FGF5: variants seen among roughly 807,000 people sequenced by gnomAD.
The protein encoded by FGF5 is fibroblast growth factor 5, also known as heparin-binding growth factor 5.
Under a neutral mutation model 21.8 loss-of-function variants are expected in FGF5, and 23 were observed. That is an observed-to-expected ratio of 1.05 (90% CI 0.76 to 1.49). FGF5 has a LOEUF of 1.49. Among genes scored for constraint, FGF5 ranks in the 40% most tolerant of loss-of-function variants. FGF5 has a pLI of 0.00. For missense variants in FGF5, 352 were observed against 332.9 expected (o/e 1.06, Z -0.45); for synonymous variants, 158 against 124.0 (o/e 1.27, Z -1.82).
chr4:80,289,199 G>A lies in FGF5; in HGVS notation c.*2527G>A, dbSNP rs193012243. Reference sequence around the variant, plus strand: ...GTAGAGACGGGGTTTCACCATGTTGGTCAGGATGGTCTCAATCCTGGCCTC... The same window carrying A: ...GTAGAGACGGGGTTTCACCATGTTGATCAGGATGGTCTCAATCCTGGCCTC... On this transcript the variant is annotated 3_prime_UTR_variant, in exon 3 of 3. Transcript: ENST00000312465. 1 of 152,056 alleles carries A rather than the reference G, an allele frequency of 6.6e-6. No homozygotes were observed. The highest frequency in any genetic ancestry group is 2.4e-5 in the African/African-American group (1 of 41,478). The allele number at this position is 152,056 out of a possible 1,614,324, so 9.4% of individuals were successfully genotyped here.
chr4:80,270,652 T>A (rs1720244987), intron 1 of FGF5, among the ~76,000 whole-genome samples: 1 of 152,208 alleles, frequency 6.6e-6, no homozygotes, highest in Non-Finnish European at 1.5e-5. Context: ...TTGGTTTAAT[T>A]TATACGCCTT....
At chr4:80,271,485 C>A (rs34770668) in intron 1 of FGF5, among the ~76,000 whole-genome samples, 1,655 of 152,236 alleles carry the variant, frequency 0.011, 21 homozygotes, top group African/African-American at 0.037. Flanking sequence ...CTGTCTGTAG[C>A]ACTTTAATGT....
At chr4:80,280,812 T>G (rs1720532036) in intron 2 of FGF5, among the ~76,000 whole-genome samples, 2 of 152,024 alleles carry the variant, frequency 1.3e-5, no homozygotes, top group Admixed American at 6.6e-5. Flanking sequence ...ACTTCAAGGG[T>G]ATCAAAACCA....
At chr4:80,267,305 C>T in intron 1 of FGF5, 126 bp downstream of exon 1, 3 of 742,406 alleles carry the variant, frequency 4.0e-6, no homozygotes. Flanking sequence ...CAAGCTGATA[C>T]TCAGAAACAG....
intron 1 of FGF5, among the ~76,000 whole-genome samples, chr4:80,274,589 T>C (rs185476664): frequency 1.2e-4 from 18 of 152,226 alleles, no homozygotes; most frequent in Non-Finnish European, 2.2e-4. Flanking sequence ...AAAAACATTT[T>C]TTAAATGTCT....
intron 2 of FGF5, among the ~76,000 whole-genome samples, chr4:80,276,886 C>T (rs1265666195): frequency 6.6e-6 from 1 of 151,902 alleles, no homozygotes; most frequent in African/African-American, 2.4e-5. Context: ...AAAATCTAAC[C>T]TCATAATAGT....
At chr4:80,284,333 C>T (rs1293562061) in intron 2 of FGF5, among the ~76,000 whole-genome samples, 3 of 152,142 alleles carry the variant, frequency 2.0e-5, no homozygotes, top group Non-Finnish European at 4.4e-5. Context: ...ACTCAGGAGG[C>T]TGAAGCAGGA....
chr4:80,274,291 A>C (rs1720352180), intron 1 of FGF5, among the ~76,000 whole-genome samples: 1 of 152,134 alleles, frequency 6.6e-6, no homozygotes, highest in African/African-American at 2.4e-5. Context: ...TCAAAGCATA[A>C]TCCATTAAAC....
rs1408265730 is a variant in FGF5, at chr4:80,290,356, C to T, written c.*3684C>T. 3 of 151,902 alleles carry T rather than the reference C, an allele frequency of 2.0e-5. No homozygotes were observed. Among genetic ancestry groups the T allele is most frequent in the African/African-American group, 7.3e-5 (3 of 41,366 alleles). The allele number at this position is 151,902 out of a possible 1,614,324, so 9.4% of individuals were successfully genotyped here. On this transcript the variant is annotated 3_prime_UTR_variant, in exon 3 of 3. Transcript: ENST00000312465. The stretch of plus-strand genomic sequence containing the variant: ...GGCCTAATTTTTTTTTGTAGTCAAT[C>T]CAACTGTACTGGCCAATTTTTGAAA...
At chr4:80,280,417 A>G (rs989917845) in intron 2 of FGF5, among the ~76,000 whole-genome samples, 14 of 152,336 alleles carry the variant, frequency 9.2e-5, no homozygotes, top group African/African-American at 3.1e-4. Context: ...TGATTTGAAG[A>G]GTGACACTTG....
chr4:80,274,552 A>C (rs1720356043), intron 1 of FGF5, among the ~76,000 whole-genome samples: 1 of 152,138 alleles, frequency 6.6e-6, no homozygotes, highest in Non-Finnish European at 1.5e-5. Context: ...ATCTTTGATG[A>C]AGAAACAATG....
chr4:80,266,611 G>T, upstream of FGF5: 2 of 545,684 alleles, frequency 3.7e-6, no homozygotes, highest in South Asian at 5.5e-5. Flanking sequence ...AGGCGTGCAC[G>T]GAGCAGTGAG....
chr4:80,286,185 C>A, intron 2 of FGF5, 140 bp from the exon 3 acceptor site: 4 of 565,596 alleles, frequency 7.1e-6, no homozygotes, highest in Non-Finnish European at 1.2e-5. Flanking sequence ...AATAAGCAAA[C>A]ATGTCTTTAT....
intron 2 of FGF5, among the ~76,000 whole-genome samples, chr4:80,277,758 A>G (rs987849450): frequency 6.6e-6 from 1 of 152,104 alleles, no homozygotes; most frequent in African/African-American, 2.4e-5. Context: ...TTAGGGTTCT[A>G]TCTACAAAGC....
In FGF5 at chr4:80,286,341, A is replaced by T. The variant is rs368204813; in HGVS notation, c.476A>T (p.Asp159Val). 9.4e-6 allele frequency: 15 copies of T among 1,590,454 alleles called. No individual in the cohort carries two copies. In the African/African-American group the frequency reaches 1.9e-4, roughly 20 times the overall value. ...CCTCCTTAGGCCAAGTTCACAGATG[A>T]CTGCAAGTTCAGGGAGCGTTTTCAA... The part of the protein sequence containing the change: ...KLHASAKFTD[D>V]CKFRERFQEN... Residue 159 changes from aspartate (D) to valine (V), a missense_variant, in exon 3 of 3, where the codon GAC becomes GTC. Physicochemically the swap from Asp to Val is radical, Grantham distance 152. Coordinates refer to ENST00000312465, the MANE Select transcript of FGF5 (RefSeq NM_004464.4).
At chr4:80,267,733 G>GATAGATAGATAGA (rs1553910468) in intron 1 of FGF5, among the ~76,000 whole-genome samples, 94 of 151,064 alleles carry the variant, frequency 6.2e-4, no homozygotes, top group African/African-American at 2.3e-3. Context: ...ATACACATAG[G>GATAGATAGATAGA]TAGATAGATA....
intron 2 of FGF5, among the ~76,000 whole-genome samples, chr4:80,281,757 C>A (rs1490788506): frequency 6.6e-6 from 1 of 152,074 alleles, no homozygotes; most frequent in Non-Finnish European, 1.5e-5. Context: ...TTTTTTTAAA[C>A]AATATCATTT....
At chr4:80,273,371 T>C (rs1216840358) in intron 1 of FGF5, among the ~76,000 whole-genome samples, 1 of 152,122 alleles carries the variant, frequency 6.6e-6, no homozygotes, top group Non-Finnish European at 1.5e-5. Flanking sequence ...AACTTTCTAA[T>C]CAAGTTTTTT....
chr4:80,276,756 GA>G (rs892092330), intron 2 of FGF5, among the ~76,000 whole-genome samples: 3 of 131,210 alleles, frequency 2.3e-5, no homozygotes, highest in Admixed American at 7.7e-5. Context: ...ACGAGGGCTG[GA>G]AAAAAAAGTA....
Sources: gnomAD v4.1 joint callset for allele counts (sites outside exome capture counted in the v4.1 genomes callset) on GRCh38, gnomAD v4.1.1 for gene constraint, MANE v1.5 for transcripts, NCBI Gene and HGNC (gene_info 2026-07-23, HGNC 2026-07-21) for gene names.